Variants in EDN1 observed in about 807,000 individuals in gnomAD.
EDN1 encodes the protein endothelin 1.
A neutral mutation model predicts 21.7 loss-of-function variants in EDN1; 11 were observed. That is an observed-to-expected ratio of 0.51 (90% confidence interval 0.32 to 0.84). The LOEUF is 0.84. EDN1 is among the 40% of genes least tolerant of loss of function. EDN1 has a pLI of 0.03. For missense variants in EDN1, 244 were observed against 262.3 expected, an observed-to-expected ratio of 0.93 and a Z score of 0.48; for synonymous variants, 85 against 90.6, an observed-to-expected ratio of 0.94 and a Z score of 0.35.
the EDN1 span, among the ~76,000 whole-genome samples, chr6:12,266,233 A>G: frequency 6.6e-6 from 1 of 152,220 alleles, no homozygotes; most frequent in African/African-American, 2.4e-5. Flanking sequence ...TCAAGGAAGA[A>G]AGAGGAGCTA....
the EDN1 span, among the ~76,000 whole-genome samples, chr6:12,230,592 A>T: frequency 6.6e-6 from 1 of 152,202 alleles, no homozygotes; most frequent in African/African-American, 2.4e-5. Flanking sequence ...AGAACGTGGT[A>T]CAAAATTGAT....
the EDN1 span, among the ~76,000 whole-genome samples, chr6:12,259,777 C>G: frequency 2.6e-5 from 4 of 151,962 alleles, no homozygotes; most frequent in South Asian, 8.3e-4. Flanking sequence ...TTGTAAATAC[C>G]TTAAGGATAA....
chr6:12,270,251 T>A, the EDN1 span, among the ~76,000 whole-genome samples: 1 of 152,066 alleles, frequency 6.6e-6, no homozygotes, highest in Admixed American at 6.5e-5. Flanking sequence ...TATGTTGATC[T>A]TTTTAATTTT....
chr6:12,295,297 C>T (rs192514717), intron 4 of EDN1, among the ~76,000 whole-genome samples: 8 of 152,228 alleles, frequency 5.3e-5, no homozygotes, highest in Non-Finnish European at 5.9e-5. Flanking sequence ...GGGGCAGCCT[C>T]AGCTATCGGT....
At chr6:12,253,207 T>C in the EDN1 span, among the ~76,000 whole-genome samples, 2 of 152,058 alleles carry the variant, frequency 1.3e-5, no homozygotes, top group Non-Finnish European at 2.9e-5. Flanking sequence ...GCAATGAAAT[T>C]AGCAATTTGA....
the EDN1 span, among the ~76,000 whole-genome samples, chr6:12,278,459 A>G: frequency 6.6e-6 from 1 of 152,190 alleles, no homozygotes; most frequent in Admixed American, 6.5e-5. Flanking sequence ...ACCCATCCTG[A>G]GGGTCCTTGA....
At chr6:12,275,294 G>A in the EDN1 span, among the ~76,000 whole-genome samples, 1 of 152,148 alleles carries the variant, frequency 6.6e-6, no homozygotes, top group East Asian at 1.9e-4. Flanking sequence ...GTCTTGATGA[G>A]TCATTTTTGG....
chr6:12,292,569 C>CAG, intron 2 of EDN1, 60 bp downstream of exon 2: 4 of 1,599,176 alleles, frequency 2.5e-6, no homozygotes, highest in Non-Finnish European at 3.4e-6. Context: ...CCACTGGAGC[C>CAG]CAGTTTTAGA....
the EDN1 span, among the ~76,000 whole-genome samples, chr6:12,260,883 C>T: frequency 6.6e-6 from 1 of 152,072 alleles, no homozygotes; most frequent in East Asian, 1.9e-4. Context: ...TGTTGAAATG[C>T]TGTATGAAAA....
At chr6:12,271,413 T>C in the EDN1 span, among the ~76,000 whole-genome samples, 5 of 152,298 alleles carry the variant, frequency 3.3e-5, no homozygotes, top group Admixed American at 1.3e-4. Context: ...TAATAGACTA[T>C]TTTTAGCTGA....
At chr6:12,293,548 A>T (rs1762741901) in intron 2 of EDN1, among the ~76,000 whole-genome samples, 1 of 152,222 alleles carries the variant, frequency 6.6e-6, no homozygotes, top group Non-Finnish European at 1.5e-5. Flanking sequence ...ATGGTTTTGC[A>T]TTGAAACCTC....
chr6:12,267,434 T>A, the EDN1 span, among the ~76,000 whole-genome samples: 766 of 152,314 alleles, frequency 5.0e-3, 8 homozygotes, highest in African/African-American at 0.018. Context: ...ATTGTTGATA[T>A]GGAGAAAGTT....
chr6:12,259,117 G>A, the EDN1 span, among the ~76,000 whole-genome samples: 1 of 151,992 alleles, frequency 6.6e-6, no homozygotes, highest in African/African-American at 2.4e-5. Flanking sequence ...TGGCCTTTCT[G>A]TATTTCTTTA....
chr6:12,290,501 G>A lies in EDN1; in HGVS notation c.-129G>A. On this transcript the variant is annotated 5_prime_UTR_variant, in exon 1 of 5. Transcript: ENST00000379375. ...CGCTGCCTTTTCTCCCCGTTAAAAG[G>A]GCACTTGGGCTGAAGGATCGCTTTG... 1 of 772,504 alleles carries A rather than the reference G, an allele frequency of 1.3e-6. No homozygotes were observed. The highest frequency in any genetic ancestry group is 2.2e-6 in the Non-Finnish European group (1 of 445,734). The allele number at this position is 772,504 out of a possible 1,614,324, so 47.9% of individuals were successfully genotyped here.
chr6:12,278,574 T>A, the EDN1 span, among the ~76,000 whole-genome samples: 4 of 152,140 alleles, frequency 2.6e-5, no homozygotes, highest in South Asian at 8.3e-4. Context: ...TTCATTCAAA[T>A]CCTACATTTA....
chr6:12,283,915 G>GA, the EDN1 span, among the ~76,000 whole-genome samples: 1 of 152,130 alleles, frequency 6.6e-6, no homozygotes, highest in South Asian at 2.1e-4. Context: ...CTACCCTTTA[G>GA]AACCTCCATT....
At chr6:12,273,192 T>A in the EDN1 span, among the ~76,000 whole-genome samples, 17 of 152,222 alleles carry the variant, frequency 1.1e-4, no homozygotes, top group South Asian at 2.1e-4. Context: ...AAAGGTGACA[T>A]CCAATCCAAG....
chr6:12,281,155 A>G, the EDN1 span, among the ~76,000 whole-genome samples: 1 of 152,252 alleles, frequency 6.6e-6, no homozygotes, highest in Non-Finnish European at 1.5e-5. Flanking sequence ...TCTCTGTACA[A>G]CGTCTGTTGT....
chr6:12,293,540 G>C (rs1229008347), intron 2 of EDN1, among the ~76,000 whole-genome samples: 1 of 152,186 alleles, frequency 6.6e-6, no homozygotes, highest in African/African-American at 2.4e-5. Context: ...TGTGAGTCAT[G>C]GTTTTGCATT....
Sources: gnomAD v4.1 joint callset for allele counts (sites outside exome capture counted in the v4.1 genomes callset) on GRCh38, gnomAD v4.1.1 for gene constraint, MANE v1.5 for transcripts, NCBI Gene and HGNC (gene_info 2026-07-23, HGNC 2026-07-21) for gene names.